Variants in LRP1B observed in about 807,000 individuals in gnomAD.
LRP1B encodes the protein low-density lipoprotein receptor-related protein 1B.
Under a neutral mutation model 556.6 loss-of-function variants are expected in LRP1B, and 217 were observed. That is an observed-to-expected ratio of 0.39 (90% confidence interval 0.35 to 0.44). LRP1B has a LOEUF of 0.44. Ranked by LOEUF, LRP1B falls within the 20% of genes least tolerant of loss-of-function variation. LRP1B has a pLI of 1.00. For synonymous variants in LRP1B, 2,047 were observed against 1,865.8 expected, an observed-to-expected ratio of 1.10 and a Z score of -2.50; for missense variants, 5,053 against 5,620.8, an observed-to-expected ratio of 0.90 and a Z score of 3.23.
intron 32 of LRP1B, among the ~76,000 whole-genome samples, chr2:140,790,237 C>T (rs2104984292): frequency 6.6e-6 from 1 of 152,170 alleles, no homozygotes; most frequent in Admixed American, 6.5e-5. Flanking sequence ...TGAATTACTG[C>T]TCAATATTCT....
At chr2:141,487,065 G>A (rs1050946616) in intron 2 of LRP1B, among the ~76,000 whole-genome samples, 2 of 151,988 alleles carry the variant, frequency 1.3e-5, no homozygotes, top group African/African-American at 4.8e-5. Flanking sequence ...ATTCCTCACA[G>A]CGTTCCATGG....
chr2:141,100,782 G>A (rs1700441269), intron 7 of LRP1B, among the ~76,000 whole-genome samples: 1 of 152,038 alleles, frequency 6.6e-6, no homozygotes, highest in African/African-American at 2.4e-5. Context: ...ATGCTTGGGA[G>A]TAGACATGAA....
chr2:140,727,657 G>C (rs891484144), intron 35 of LRP1B, among the ~76,000 whole-genome samples: 4 of 152,162 alleles, frequency 2.6e-5, no homozygotes, highest in African/African-American at 9.7e-5. Context: ...AATAGCAGGA[G>C]GGGACAACAA....
At position 141,480,429 on chromosome 2, in the gene LRP1B, G is replaced by T. The variant is rs1198330127; in HGVS notation, c.310C>A (p.Pro104Thr). 6.2e-7 allele frequency: 1 copy of T among 1,613,796 alleles called. No homozygotes were observed. Among genetic ancestry groups the T allele is most frequent in the South Asian group, 1.1e-5 (1 of 91,064 alleles). ...TGTACTCCTTCGTCATACCCATCTG[G>T]GCAGTCCAAGACACCATTGCACAGC... ...SQLCNGVLDC[P>T]DGYDEGVHCQ... The change falls in exon 3 of 91, where the codon CCA (proline) becomes ACA (threonine). Residue 104 changes from proline to threonine, a missense_variant. This residue lies in a region of LRP1B where 3,619 missense variants were observed against 3,931.9 expected (regional missense o/e 0.92). Transcript: ENST00000389484.
At chr2:142,073,179 A>T (rs941574274) in intron 1 of LRP1B, among the ~76,000 whole-genome samples, 1 of 152,014 alleles carries the variant, frequency 6.6e-6, no homozygotes, top group Non-Finnish European at 1.5e-5. Flanking sequence ...ATATTTCTAT[A>T]TATAAAGTAT....
chr2:140,938,010 C>T (rs1329545676), intron 20 of LRP1B, among the ~76,000 whole-genome samples: 1 of 151,704 alleles, frequency 6.6e-6, no homozygotes, highest in Non-Finnish European at 1.5e-5. Context: ...CGAGAAATGT[C>T]CTTATGGTTC....
intron 3 of LRP1B, among the ~76,000 whole-genome samples, chr2:141,467,823 T>A (rs1682292641): frequency 3.6e-5 from 1 of 27,492 alleles, no homozygotes. Flanking sequence ...GTTTGTTTGT[T>A]TGTTTGTTTG....
At chr2:141,186,142 TG>T (rs1558919413) in intron 7 of LRP1B, among the ~76,000 whole-genome samples, 1 of 151,190 alleles carries the variant, frequency 6.6e-6, no homozygotes, top group South Asian at 2.1e-4. Context: ...GGCATCCTTT[TG>T]GGGGGTAAGG....
intron 6 of LRP1B, among the ~76,000 whole-genome samples, chr2:141,205,421 A>C (rs1288878240): frequency 6.6e-6 from 1 of 152,184 alleles, no homozygotes; most frequent in African/African-American, 2.4e-5. Context: ...CCCAAAATAG[A>C]AGCTCAGGCT....
At chr2:140,572,824 A>AAATAT (rs1681376699) in intron 43 of LRP1B, among the ~76,000 whole-genome samples, 3 of 151,284 alleles carry the variant, frequency 2.0e-5, no homozygotes, top group Non-Finnish European at 4.4e-5. Flanking sequence ...AAATAAAATA[A>AAATAT]AATAAAATAA....
At chr2:141,470,722 C>A (rs779935726) in intron 3 of LRP1B, among the ~76,000 whole-genome samples, 8 of 152,134 alleles carry the variant, frequency 5.3e-5, no homozygotes, top group South Asian at 2.1e-4. Context: ...TGTCAAAAAA[C>A]CAAATAATGA....
chr2:141,588,045 G>T (rs954873101), intron 2 of LRP1B, among the ~76,000 whole-genome samples: 2 of 152,132 alleles, frequency 1.3e-5, no homozygotes, highest in African/African-American at 4.8e-5. Context: ...TCTTTCTCAA[G>T]TTGGGCTTAT....
Position 140,776,253 on chromosome 2 carries a change from G to T in LRP1B, c.5360-15C>A, listed in dbSNP as rs1448139409. 8 of 1,550,360 alleles carry T rather than the reference G, an allele frequency of 5.2e-6. No homozygotes were observed. Among genetic ancestry groups the T allele is most frequent in the African/African-American group, 1.4e-5 (1 of 70,872 alleles). ...CAGTTTCTTATCTAGAAAAAGGAAA[G>T]ATATTTTTTAAAGGAAAGTATAATT... is the stretch of plus-strand genomic sequence containing the variant. On this transcript the variant is annotated splice_polypyrimidine_tract_variant and intron_variant, in intron 32 of 90. Transcript: ENST00000389484.
intron 43 of LRP1B, among the ~76,000 whole-genome samples, chr2:140,588,795 T>C (rs56253705): frequency 0.22 from 32,932 of 151,566 alleles, 4,029 homozygotes; most frequent in Admixed American, 0.3. Context: ...CTGTCTCTCC[T>C]AAAAATACAA....
intron 1 of LRP1B, among the ~76,000 whole-genome samples, chr2:142,001,167 T>C (rs1219856884): frequency 6.6e-6 from 1 of 152,188 alleles, no homozygotes; most frequent in Non-Finnish European, 1.5e-5. Context: ...CCATTAAACC[T>C]CTTTTTCTTT....
intron 43 of LRP1B, among the ~76,000 whole-genome samples, chr2:140,581,578 T>C (rs1417394130): frequency 3.9e-5 from 6 of 152,150 alleles, no homozygotes; most frequent in South Asian, 2.1e-4. Flanking sequence ...ATTTCTACTA[T>C]CATTTGCTTT....
intron 67 of LRP1B, among the ~76,000 whole-genome samples, chr2:140,380,122 C>T (rs562236611): frequency 7.9e-5 from 12 of 152,182 alleles, no homozygotes; most frequent in South Asian, 2.1e-4. Context: ...CTCTAAGGAA[C>T]GTGCTATACT....
intron 3 of LRP1B, among the ~76,000 whole-genome samples, chr2:141,463,558 ATATATAT>A (rs1235606409): frequency 4.4e-4 from 7 of 16,066 alleles, no homozygotes; most frequent in Admixed American, 2.5e-3. Context: ...ATTATATATA[ATATATAT>A]TATATATTAT....
intron 41 of LRP1B, among the ~76,000 whole-genome samples, chr2:140,644,943 A>T (rs930333217): frequency 6.6e-6 from 1 of 152,114 alleles, no homozygotes; most frequent in African/African-American, 2.4e-5. Flanking sequence ...TTTTTGATTT[A>T]AAAAATCTAA....
Sources: gnomAD v4.1 joint callset for allele counts (sites outside exome capture counted in the v4.1 genomes callset) on GRCh38, gnomAD v4.1.1 for gene constraint, gnomAD v4.1.1 regional missense constraint, MANE v1.5 for transcripts, NCBI Gene and HGNC (gene_info 2026-07-23, HGNC 2026-07-21) for gene names.